CIMIP6: variants seen among roughly 807,000 people sequenced by gnomAD.
The protein encoded by CIMIP6 is ciliary microtubule inner protein 6, also known as uncharacterized protein C2orf73.
the CIMIP6 span, among the ~76,000 whole-genome samples, chr2:54,366,514 G>GT: frequency 6.6e-6 from 1 of 152,150 alleles, no homozygotes; most frequent in Non-Finnish European, 1.5e-5. Context: ...AAAGATGTGA[G>GT]TTTTCAATCT....
At chr2:54,365,054 A>G in the CIMIP6 span, among the ~76,000 whole-genome samples, 2 of 152,300 alleles carry the variant, frequency 1.3e-5, no homozygotes, top group South Asian at 2.1e-4. Context: ...TGGAAGCCCC[A>G]GGTGCAGTGG....
the CIMIP6 span, among the ~76,000 whole-genome samples, chr2:54,371,476 T>C: frequency 6.6e-6 from 1 of 152,178 alleles, no homozygotes; most frequent in Non-Finnish European, 1.5e-5. Flanking sequence ...GGAATGGCCA[T>C]GCATTGATGA....
chr2:54,360,296 C>T, the CIMIP6 span: 23 of 1,612,078 alleles, frequency 1.4e-5, no homozygotes, highest in East Asian at 4.5e-5. Flanking sequence ...TCCAGGGTCA[C>T]GTTCATCAGA....
the CIMIP6 span, among the ~76,000 whole-genome samples, chr2:54,376,358 C>G: frequency 6.6e-6 from 1 of 152,134 alleles, no homozygotes; most frequent in Non-Finnish European, 1.5e-5. Flanking sequence ...AAAATAAAAT[C>G]CAAAGACATC....
the CIMIP6 span, chr2:54,334,708 A>G: frequency 1.3e-6 from 1 of 785,610 alleles, no homozygotes. Flanking sequence ...AATACAGCCT[A>G]AATTGTCTTG....
chr2:54,333,444 T>TC, the CIMIP6 span, among the ~76,000 whole-genome samples: 8 of 152,082 alleles, frequency 5.3e-5, no homozygotes, highest in African/African-American at 1.9e-4. Flanking sequence ...GATTGATGTG[T>TC]CCCTGGAACT....
At chr2:54,377,034 G>A in the CIMIP6 span, among the ~76,000 whole-genome samples, 3 of 152,142 alleles carry the variant, frequency 2.0e-5, no homozygotes, top group African/African-American at 7.2e-5. Context: ...TCCTGACTTC[G>A]GTTCTCTCGG....
chr2:54,378,591 C>G, the CIMIP6 span, among the ~76,000 whole-genome samples: 3 of 152,132 alleles, frequency 2.0e-5, no homozygotes, highest in African/African-American at 7.2e-5. Flanking sequence ...AAATGCCCAG[C>G]TTTCTCAGGA....
At chr2:54,352,187 A>C in the CIMIP6 span, among the ~76,000 whole-genome samples, 117 of 152,248 alleles carry the variant, frequency 7.7e-4, no homozygotes, top group African/African-American at 2.7e-3. Flanking sequence ...TCTCATCTCT[A>C]TATTTAATCC....
the CIMIP6 span, among the ~76,000 whole-genome samples, chr2:54,383,985 C>T: frequency 2.0e-5 from 3 of 152,158 alleles, no homozygotes; most frequent in Non-Finnish European, 2.9e-5. Context: ...CCAGGTGCAA[C>T]CCCTCCATCT....
chr2:54,379,562 A>G, the CIMIP6 span, among the ~76,000 whole-genome samples: 1 of 152,164 alleles, frequency 6.6e-6, no homozygotes, highest in Admixed American at 6.5e-5. Flanking sequence ...AAGAAAGTCC[A>G]GGCATGGTGG....
At chr2:54,382,617 ACCT>A in the CIMIP6 span, among the ~76,000 whole-genome samples, 1 of 151,968 alleles carries the variant, frequency 6.6e-6, no homozygotes, top group Non-Finnish European at 1.5e-5. Context: ...TTCAGTCTTA[ACCT>A]CCTCCTTTGC....
chr2:54,378,974 C>T, the CIMIP6 span, among the ~76,000 whole-genome samples: 1 of 152,150 alleles, frequency 6.6e-6, no homozygotes, highest in Non-Finnish European at 1.5e-5. Flanking sequence ...AACTGTAAAC[C>T]TCATGTGACA....
the CIMIP6 span, among the ~76,000 whole-genome samples, chr2:54,336,673 G>T: frequency 6.6e-6 from 1 of 152,200 alleles, no homozygotes; most frequent in African/African-American, 2.4e-5. Flanking sequence ...CAAGTAAGCT[G>T]TATTGGAATG....
chr2:54,371,112 T>C, the CIMIP6 span, among the ~76,000 whole-genome samples: 2 of 152,166 alleles, frequency 1.3e-5, no homozygotes, highest in Non-Finnish European at 2.9e-5. Flanking sequence ...CAGGGCCCGA[T>C]GGGTTGATAG....
chr2:54,364,073 T>G, the CIMIP6 span, among the ~76,000 whole-genome samples: 3 of 152,232 alleles, frequency 2.0e-5, no homozygotes, highest in Non-Finnish European at 4.4e-5. Flanking sequence ...CATTGAACTT[T>G]CAGTATCCAT....
At chr2:54,366,617 A>T in the CIMIP6 span, among the ~76,000 whole-genome samples, 5 of 152,154 alleles carry the variant, frequency 3.3e-5, no homozygotes, top group African/African-American at 1.2e-4. Context: ...AAAGAGAAAA[A>T]CCTTAAAAAC....
chr2:54,374,461 T>G, the CIMIP6 span, among the ~76,000 whole-genome samples: 1 of 152,182 alleles, frequency 6.6e-6, no homozygotes. Context: ...ACAAACTATC[T>G]CAGGGGAAAG....
the CIMIP6 span, among the ~76,000 whole-genome samples, chr2:54,345,555 A>AT: frequency 6.6e-6 from 1 of 152,238 alleles, no homozygotes; most frequent in East Asian, 1.9e-4. Flanking sequence ...TATAGTCAAT[A>AT]TGCCAGAGTG....
Sources: allele counts gnomAD v4.1 joint callset (sites outside exome capture counted in the v4.1 genomes callset), GRCh38; gene constraint gnomAD v4.1.1; transcripts MANE v1.5; gene names NCBI Gene and HGNC (gene_info 2026-07-23, HGNC 2026-07-21).